PRB3: variants seen among roughly 807,000 people sequenced by gnomAD.
PRB3 encodes the protein proline rich protein BstNI subfamily 3.
In PRB3, 9 loss-of-function variants were observed where a neutral mutation model predicts 10.0. The observed-to-expected ratio is 0.90, with a 90% CI of 0.54 to 1.57. The LOEUF is 1.57. Ranked by LOEUF, PRB3 falls within the 40% of genes most tolerant of loss-of-function variation. The probability of loss-of-function intolerance (pLI) is 0.00; values close to 1 mark genes in which losing one functional copy is unlikely to be tolerated. For synonymous variants in PRB3, 89 were observed against 138.6 expected (o/e 0.64, Z 2.52); for missense variants, 285 against 385.5 (o/e 0.74, Z 2.18).
At position 11,266,021 on chromosome 12, in the gene PRB3, G is replaced by A. The variant is rs1896551; in HGVS notation, c.*26C>T. The A allele has an allele frequency of 0.092, 42,025 of 455,888 alleles. 3,836 individuals are homozygous for A. The highest frequency in any genetic ancestry group is 0.31 in the East Asian group (4,505 of 14,364). 28.2% of individuals were successfully genotyped at this position (455,888 alleles called of 1,614,324 possible). On this transcript the variant is annotated 3_prime_UTR_variant, in exon 4 of 4. Coordinates refer to ENST00000538488, the MANE Select transcript of PRB3 (RefSeq NM_001394862.1). ...TCATTTGAATCACTGTCATCTTCTTGTTCACTTCCTGAAACAAACAAACAA... is the reference window on the plus strand; with the variant it reads ...TCATTTGAATCACTGTCATCTTCTTATTCACTTCCTGAAACAAACAAACAA...
In PRB3 at chr12:11,268,168, G is replaced by C; in HGVS notation, c.101-20C>G. 1 of 1,567,788 alleles carries C rather than the reference G, an allele frequency of 6.4e-7. No individual in the cohort carries two copies. Among genetic ancestry groups the C allele is most frequent in the Non-Finnish European group, 8.8e-7 (1 of 1,139,138 alleles). On this transcript the variant is annotated intron_variant, in intron 2 of 3. Transcript: ENST00000538488. ...GCTTTCCTGGAGGAGGTGGACACAC[G>C]GCATTCACTGAATAGTTGCCGCAAA...
At chr12:11,268,710 A>T (rs978548184) in intron 1 of PRB3, 42 bp from the exon 2 acceptor site, 1 of 1,596,936 alleles carries the variant, frequency 6.3e-7, no homozygotes, top group Non-Finnish European at 8.6e-7. Context: ...TTACATCTCG[A>T]ATTTTGCAAG....
intron 3 of PRB3, among the ~76,000 whole-genome samples, chr12:11,266,449 C>G (rs1330474904): frequency 6.6e-6 from 1 of 152,170 alleles, no homozygotes; most frequent in Non-Finnish European, 1.5e-5. Flanking sequence ...CAGAAAACCA[C>G]TGAAGAGATG....
At position 11,265,995 on chromosome 12, in the gene PRB3, A is replaced by G; in HGVS notation, c.*52T>C. ...CTTCTTCCAATGTCATGGCATTTGAATCATTTGAATCACTGTCATCTTCTT... is the reference window on the plus strand; with the variant it reads ...CTTCTTCCAATGTCATGGCATTTGAGTCATTTGAATCACTGTCATCTTCTT... On this transcript the variant is annotated 3_prime_UTR_variant, in exon 4 of 4. Transcript: ENST00000538488. 1 of 456,438 alleles carries G rather than the reference A, an allele frequency of 2.2e-6. No individual in the cohort carries two copies. Among genetic ancestry groups the G allele is most frequent in the Non-Finnish European group, 4.4e-6 (1 of 226,802 alleles). 28.3% of individuals were successfully genotyped at this position (456,438 alleles called of 1,614,324 possible). A position where few individuals can be genotyped will look rare whatever the true frequency, so the allele number is the denominator to read the frequency against.
At position 11,269,680 on chromosome 12, in the gene PRB3, G is replaced by A. The variant is rs905308799; in HGVS notation, c.-11C>T. ...CAGAATCAGTAGCATCTTGCTGGAG[G>A]CTCTGGAGTCACTCCCAACTCTGTG... On this transcript the variant is annotated 5_prime_UTR_variant, in exon 1 of 4. Transcript: ENST00000538488. 1.2e-6 allele frequency: 2 copies of A among 1,613,896 alleles called. No individual in the cohort carries two copies.
In PRB3 at chr12:11,268,132, T is replaced by G. The variant is rs1948614937; in HGVS notation, c.117A>C (p.Arg39=). The G allele has an allele frequency of 7.3e-7, 1 of 1,378,132 alleles. No individual in the cohort carries two copies. The highest frequency in any genetic ancestry group is 1.3e-5 in the South Asian group (1 of 74,198). 85.4% of individuals were successfully genotyped at this position (1,378,132 alleles called of 1,614,324 possible). A position where few individuals can be genotyped will look rare whatever the true frequency, so the allele number is the denominator to read the frequency against. Residue 39 remains arginine, a synonymous_variant, in exon 3 of 4, where the codon CGA becomes CGC. Transcript: ENST00000538488. ...GGGGCTGGTTTCCTCCTTGTGGGCGTCGTCCTTCTGGCTTTCCTGGAGGAG... is the reference window on the plus strand; with the variant it reads ...GGGGCTGGTTTCCTCCTTGTGGGCGGCGTCCTTCTGGCTTTCCTGGAGGAG... ...PSVISGKPEG[R]RPQGGNQPQR... is the part of the protein sequence containing the mutation.
intron 3 of PRB3, 147 bp downstream of exon 3, chr12:11,267,029 C>G (rs779037842): frequency 2.7e-5 from 23 of 844,798 alleles, no homozygotes; most frequent in Non-Finnish European, 4.2e-5. Flanking sequence ...TCTTCTTACC[C>G]TATTCCAGAG....
In PRB3 at chr12:11,268,747, G is replaced by T. The variant is rs1397244099; in HGVS notation, c.65-79C>A. ...TTCACAGGTGTTCTACAGGGAAAGG[G>T]GACTTCTCACCACACCCCATGCATC... On this transcript the variant is annotated intron_variant, in intron 1 of 3. Coordinates refer to ENST00000538488, the MANE Select transcript of PRB3 (RefSeq NM_001394862.1). The T allele has an allele frequency of 2.7e-6, 4 of 1,490,694 alleles. No individual in the cohort carries two copies. In the African/African-American group the frequency reaches 5.5e-5, roughly 21 times the overall value. 92.3% of individuals were successfully genotyped at this position (1,490,694 alleles called of 1,614,324 possible).
At position 11,267,246 on chromosome 12, in the gene PRB3, G is replaced by A. The variant is rs750018560; in HGVS notation, c.1003C>T (p.Pro335Ser). The A allele has an allele frequency of 6.2e-7, 1 of 1,614,088 alleles. No individual in the cohort carries two copies. Among genetic ancestry groups the A allele is most frequent in the South Asian group, 1.1e-5 (1 of 91,068 alleles). ...CTGTGTGGTCTGCCCCCTTGAGGAG[G>A]TGGAGGTGGTCCCTGGGGCTTTCCA... ...PAGKPQGPPP[P>S]PQGGRPHRPP... Residue 335 changes from proline (P) to serine (S), a missense_variant, in exon 3 of 4, where the codon CCT (proline) becomes TCT (serine). Pro to Ser is a moderately conservative substitution (Grantham distance 74). This residue lies in a region of PRB3 where 108 missense variants were observed against 106.9 expected (regional missense o/e 1.01). Coordinates refer to ENST00000538488, the MANE Select transcript of PRB3 (RefSeq NM_001394862.1).
In PRB3 at chr12:11,266,038, A is replaced by G; in HGVS notation, c.*18-9T>C. 2.2e-6 allele frequency: 1 copy of G among 455,734 alleles called. No homozygotes were observed. The highest frequency in any genetic ancestry group is 4.4e-6 in the Non-Finnish European group (1 of 226,760). The allele number at this position is 455,734 out of a possible 1,614,324, so 28.2% of individuals were successfully genotyped here. A position where few individuals can be genotyped will look rare whatever the true frequency, so the allele number is the denominator to read the frequency against. On this transcript the variant is annotated splice_polypyrimidine_tract_variant and intron_variant, in intron 3 of 3. Transcript: ENST00000538488. ...ATCTTCTTGTTCACTTCCTGAAACA[A>G]ACAAACAAGGAATTTCATAGAGCAG...
intron 1 of PRB3, among the ~76,000 whole-genome samples, chr12:11,269,288 A>C (rs1039488538): frequency 6.6e-6 from 1 of 152,218 alleles, no homozygotes; most frequent in African/African-American, 2.4e-5. Flanking sequence ...AGATCAGTTT[A>C]GGATCTTCAC....
chr12:11,269,403 A>T (rs1948628497), intron 1 of PRB3, among the ~76,000 whole-genome samples: 1 of 152,140 alleles, frequency 6.6e-6, no homozygotes, highest in Admixed American at 6.5e-5. Flanking sequence ...CCCTGGTACA[A>T]ATTCTTTATT....
chr12:11,267,072 AG>A lies in PRB3; in HGVS notation c.*17+103del, dbSNP rs1199713447. 8 of 1,167,310 alleles carry A rather than the reference AG, an allele frequency of 6.9e-6. No homozygotes were observed. In the East Asian group the frequency reaches 9.4e-5, roughly 14 times the overall value. 72.3% of individuals were successfully genotyped at this position (1,167,310 alleles called of 1,614,324 possible). On this transcript the variant is annotated intron_variant, in intron 3 of 3. Coordinates refer to ENST00000538488, the MANE Select transcript of PRB3 (RefSeq NM_001394862.1). ...ATACAAATCTTTAGAAATGGGTTCTAGGACAATACAATGTCAATGGGTTTTT... is the reference window on the plus strand; with the variant it reads ...ATACAAATCTTTAGAAATGGGTTCTAGACAATACAATGTCAATGGGTTTTT...
intron 3 of PRB3, among the ~76,000 whole-genome samples, chr12:11,266,578 A>G (rs978206825): frequency 2.4e-4 from 37 of 152,364 alleles, no homozygotes; most frequent in Middle Eastern, 3.4e-3. Flanking sequence ...CTGTATGTCT[A>G]TGCACACATA....
At position 11,269,703 on chromosome 12, in the gene PRB3, G is replaced by T. The variant is rs74857240; in HGVS notation, c.-34C>A. 6,452 of 1,612,610 alleles carry T rather than the reference G, an allele frequency of 4.0e-3. 25 individuals carry two copies. The highest frequency in any genetic ancestry group is 5.1e-3 in the Non-Finnish European group (6,061 of 1,178,776). ...AGGCTCTGGAGTCACTCCCAACTCT[G>T]TGCTGGGAGAACCATGGCAGCTCCC... On this transcript the variant is annotated 5_prime_UTR_variant, in exon 1 of 4. Coordinates refer to ENST00000538488, the MANE Select transcript of PRB3 (RefSeq NM_001394862.1).
Position 11,267,252 on chromosome 12 carries a change from G to A in PRB3, c.997C>T (p.Pro333Ser), listed in dbSNP as rs1948595415. 1.2e-6 allele frequency: 2 copies of A among 1,613,974 alleles called. No individual in the cohort carries two copies. Among genetic ancestry groups the A allele is most frequent in the Non-Finnish European group, 1.7e-6 (2 of 1,179,926 alleles). The change falls in exon 3 of 4, where the codon CCT becomes TCT. Residue 333 changes from proline to serine, a missense_variant. Transcript: ENST00000538488. ...GGTCTGCCCCCTTGAGGAGGTGGAG[G>A]TGGTCCCTGGGGCTTTCCAGCGGGA... ...PPPAGKPQGP[P>S]PPPQGGRPHR...
Position 11,268,653 on chromosome 12 carries a change from T to G in PRB3, c.80A>C (p.Glu27Ala). The change falls in exon 2 of 4, where the codon GAA becomes GCA. Residue 27 changes from glutamate (E) to alanine (A), a missense_variant. This residue lies in a region of PRB3 where 147 missense variants were observed against 129.4 expected (regional missense o/e 1.14). Coordinates refer to ENST00000538488, the MANE Select transcript of PRB3 (RefSeq NM_001394862.1). ...TTTACCTGATATTACGGAGGGAGATTCTTCCTGGCTGACATCTAGAAGAGA... is the reference window on the plus strand; with the variant it reads ...TTTACCTGATATTACGGAGGGAGATGCTTCCTGGCTGACATCTAGAAGAGA... ...QSLNEDVSQE[E>A]SPSVISGKPE... 2.5e-6 allele frequency: 4 copies of G among 1,613,078 alleles called. No homozygotes were observed. Among genetic ancestry groups the G allele is most frequent in the South Asian group, 1.1e-5 (1 of 91,052 alleles).
At chr12:11,266,497 AG>A (rs1948588344) in intron 3 of PRB3, among the ~76,000 whole-genome samples, 1 of 152,190 alleles carries the variant, frequency 6.6e-6, no homozygotes, top group South Asian at 2.1e-4. Flanking sequence ...ATTTTCAAGA[AG>A]TGTATTTTTA....
At chr12:11,267,109 T>A in intron 3 of PRB3, 67 bp downstream of exon 3, 1 of 1,445,648 alleles carries the variant, frequency 6.9e-7, no homozygotes, top group Non-Finnish European at 9.7e-7. Flanking sequence ...AGTTGATTCA[T>A]TGGCACAATA....
Sources: gnomAD v4.1 joint callset for allele counts (sites outside exome capture counted in the v4.1 genomes callset) on GRCh38, gnomAD v4.1.1 for gene constraint, gnomAD v4.1.1 regional missense constraint, MANE v1.5 for transcripts, NCBI Gene and HGNC (gene_info 2026-07-23, HGNC 2026-07-21) for gene names.